PHAF1: variants seen among roughly 807,000 people sequenced by gnomAD.
PHAF1 encodes the protein phagophore assembly factor 1.
PHAF1 carries 23 observed loss-of-function variants against 63.1 expected under a neutral mutation model. The observed-to-expected ratio is 0.36, with a 90% CI of 0.26 to 0.52. PHAF1 has a LOEUF of 0.52. Among genes scored for constraint, PHAF1 ranks in the 20% least tolerant of loss-of-function variants. The pLI, the probability that PHAF1 is intolerant of heterozygous loss-of-function variation, is 0.93. For missense variants in PHAF1, 427 were observed against 517.2 expected (o/e 0.83, Z 1.69); for synonymous variants, 167 against 185.0 (o/e 0.90, Z 0.79).
At chr16:67,133,449 G>A (rs1263840815) in intron 6 of PHAF1, among the ~76,000 whole-genome samples, 1 of 143,580 alleles carries the variant, frequency 7.0e-6, no homozygotes, top group Non-Finnish European at 1.5e-5. Context: ...GAGGTCAGGA[G>A]TTCGAGACCA....
At position 67,134,396 on chromosome 16, in the gene PHAF1, A is replaced by G. The variant is rs768982228; in HGVS notation, c.590A>G (p.Tyr197Cys). Residue 197 changes from tyrosine to cysteine, a missense_variant, in exon 8 of 16, where the codon TAT becomes TGT. Physicochemically the swap from Tyr to Cys is radical, Grantham distance 194. Transcript: ENST00000219139. ...CTGAGCTGTTTCCTGGGCAATGTCT[A>G]TGCTGAGAGTGTAGATGTTCTTCGA... ...MPLSCFLGNV[Y>C]AESVDVLRDG... 3 of 1,614,136 alleles carry G rather than the reference A, an allele frequency of 1.9e-6. No homozygotes were observed. The highest frequency in any genetic ancestry group is 3.3e-5 in the Admixed American group (2 of 60,010).
chr16:67,133,319 T>C (rs1163458712), intron 6 of PHAF1, among the ~76,000 whole-genome samples: 1 of 152,082 alleles, frequency 6.6e-6, no homozygotes, highest in East Asian at 1.9e-4. Context: ...TCATAAGACT[T>C]ATTTTAATTA....
chr16:67,148,178 A>G lies in PHAF1; in HGVS notation c.*1047A>G, dbSNP rs2030260884. ...GATGACAATTTTGTGAGTTTTTCAA[A>G]TGTGTGTACAGATTTTTGTAAATAT... On this transcript the variant is annotated 3_prime_UTR_variant, in exon 16 of 16. Coordinates refer to ENST00000219139, the MANE Select transcript of PHAF1 (RefSeq NM_025187.5). 6.5e-6 allele frequency: 1 copy of G among 152,678 alleles called. No individual in the cohort carries two copies. Among genetic ancestry groups the G allele is most frequent in the Non-Finnish European group, 1.5e-5 (1 of 68,050 alleles). 9.5% of individuals were successfully genotyped at this position (152,678 alleles called of 1,614,324 possible). A position where few individuals can be genotyped will look rare whatever the true frequency, so the allele number is the denominator to read the frequency against.
chr16:67,143,647 T>C (rs919649573), intron 10 of PHAF1, among the ~76,000 whole-genome samples: 1 of 152,148 alleles, frequency 6.6e-6, no homozygotes, highest in Non-Finnish European at 1.5e-5. Context: ...GGCACTACTC[T>C]AGGAGTTCGG....
chr16:67,118,593 C>A (rs748738825), intron 1 of PHAF1, among the ~76,000 whole-genome samples: 21 of 151,796 alleles, frequency 1.4e-4, no homozygotes, highest in South Asian at 8.3e-4. Context: ...TCTCGGCCTC[C>A]CAAAGTGCTG....
Position 67,147,428 on chromosome 16 carries a change from A to G in PHAF1, c.*297A>G. ...CTCTCAACTAACAAGGAGGCAGGAG[A>G]GGTCAACCCTTGTCCCATGCACATT... On this transcript the variant is annotated 3_prime_UTR_variant, in exon 16 of 16. Transcript: ENST00000219139. 2.3e-6 allele frequency: 1 copy of G among 426,684 alleles called. No homozygotes were observed. The highest frequency in any genetic ancestry group is 4.2e-6 in the Non-Finnish European group (1 of 236,108). 26.4% of individuals were successfully genotyped at this position (426,684 alleles called of 1,614,324 possible). A position where few individuals can be genotyped will look rare whatever the true frequency, so the allele number is the denominator to read the frequency against.
chr16:67,119,379 A>G (rs1277618229), intron 1 of PHAF1, among the ~76,000 whole-genome samples: 1 of 152,094 alleles, frequency 6.6e-6, no homozygotes, highest in East Asian at 1.9e-4. Flanking sequence ...ATCCCCTTCC[A>G]TGCATGTCCA....
chr16:67,129,239 A>G (rs1158521430), intron 3 of PHAF1, among the ~76,000 whole-genome samples: 1 of 152,196 alleles, frequency 6.6e-6, no homozygotes. Flanking sequence ...CATGCTTTCA[A>G]GCTTCATACC....
intron 1 of PHAF1, among the ~76,000 whole-genome samples, chr16:67,115,853 C>T (rs1962712445): frequency 1.3e-5 from 2 of 152,168 alleles, no homozygotes; most frequent in Non-Finnish European, 2.9e-5. Context: ...TGGAATCCTC[C>T]CTCAAGAAAC....
chr16:67,146,177 A>G (rs1340967742), intron 14 of PHAF1, 101 bp from the exon 15 acceptor site: 8 of 1,038,610 alleles, frequency 7.7e-6, no homozygotes, highest in Non-Finnish European at 1.2e-5. Flanking sequence ...CAGCCATGAG[A>G]GACTACTGGC....
chr16:67,113,295 A>G (rs979459981), intron 1 of PHAF1, among the ~76,000 whole-genome samples: 1 of 152,154 alleles, frequency 6.6e-6, no homozygotes. Context: ...TCCTGGTTGT[A>G]TAATGTTGGA....
At chr16:67,125,187 A>G (rs142515406) in intron 2 of PHAF1, among the ~76,000 whole-genome samples, 1 of 152,314 alleles carries the variant, frequency 6.6e-6, no homozygotes, top group Non-Finnish European at 1.5e-5. Flanking sequence ...TATTCCCATG[A>G]AGAAACCAGA....
chr16:67,143,687 AC>A (rs1423152262), intron 10 of PHAF1, among the ~76,000 whole-genome samples: 1 of 152,188 alleles, frequency 6.6e-6, no homozygotes, highest in Non-Finnish European at 1.5e-5. Flanking sequence ...CAGACGGACA[AC>A]CCTGCCCTCA....
intron 3 of PHAF1, among the ~76,000 whole-genome samples, chr16:67,129,418 G>C (rs544651358): frequency 8.3e-4 from 126 of 152,342 alleles, no homozygotes; most frequent in African/African-American, 2.9e-3. Context: ...TAGCAGATAG[G>C]ATCAAAAGAG....
intron 1 of PHAF1, among the ~76,000 whole-genome samples, chr16:67,111,426 C>G (rs1962512122): frequency 6.6e-6 from 1 of 152,160 alleles, no homozygotes; most frequent in Non-Finnish European, 1.5e-5. Context: ...TTGTGCAGGC[C>G]TGAACTTTAG....
In PHAF1 at chr16:67,119,351, G is replaced by A. The variant is rs112602702; in HGVS notation, c.65-761G>A. Among the ~76,000 whole-genome samples, 1,100 of 152,182 alleles carry A rather than the reference G, an allele frequency of 7.2e-3. 6 individuals carry two copies. Among genetic ancestry groups the A allele is most frequent in the Middle Eastern group, 0.02 (6 of 294 alleles). On this transcript the variant is annotated intron_variant, in intron 1 of 15. Transcript: ENST00000219139. The stretch of plus-strand genomic sequence containing the variant: ...GTCCCTGTTTCCAGGAAGACTTTTT[G>A]TATATTCACTGCCTCCCATCCCCTT...
chr16:67,144,767 G>A (rs1176440165), intron 11 of PHAF1, 67 bp from the exon 12 acceptor site: 2 of 1,529,674 alleles, frequency 1.3e-6, no homozygotes, highest in Non-Finnish European at 1.8e-6. Flanking sequence ...TGGGGTGTGG[G>A]GTTGGAATAT....
rs1175332000 is a variant in PHAF1 at position 67,127,106 on chromosome 16, G to A, written c.231+1064G>A. On this transcript the variant is annotated intron_variant, in intron 3 of 15. Coordinates refer to ENST00000219139, the MANE Select transcript of PHAF1 (RefSeq NM_025187.5). ...GCTGGTCTTGATCTCTTGACCTCGT[G>A]ATCCGCCCGCCTCGGCCTCCCAAAG... 3.9e-5 allele frequency among the ~76,000 whole-genome samples: 6 copies of A among 152,068 alleles called. No homozygotes were observed. In the East Asian group the frequency reaches 9.7e-4, roughly 25 times the overall value.
chr16:67,136,682 A>C (rs1963623282), intron 8 of PHAF1, among the ~76,000 whole-genome samples: 1 of 150,768 alleles, frequency 6.6e-6, no homozygotes, highest in Admixed American at 6.6e-5. Flanking sequence ...TCCTGGGCAC[A>C]AGGAATCCTT....
Sources: allele counts gnomAD v4.1 joint callset (sites outside exome capture counted in the v4.1 genomes callset), GRCh38; gene constraint gnomAD v4.1.1; transcripts MANE v1.5; gene names NCBI Gene and HGNC (gene_info 2026-07-23, HGNC 2026-07-21).